Variants in LTBP1 observed in about 807,000 individuals in gnomAD.
LTBP1 encodes latent-transforming growth factor beta-binding protein 1.
A neutral mutation model predicts 207.6 loss-of-function variants in LTBP1; 129 were observed. The observed-to-expected ratio is 0.62, with a 90% CI of 0.54 to 0.72. LTBP1 has a LOEUF of 0.72. Ranked by LOEUF, LTBP1 falls within the 30% of genes least tolerant of loss-of-function variation. LTBP1 has a pLI of 0.00. For missense variants in LTBP1, 2,281 were observed against 2,217.2 expected, an observed-to-expected ratio of 1.03 and a Z score of -0.58; for synonymous variants, 963 against 833.7, an observed-to-expected ratio of 1.16 and a Z score of -2.67.
chr2:33,331,639 AG>A (rs1445190354), intron 24 of LTBP1, among the ~76,000 whole-genome samples: 3 of 152,148 alleles, frequency 2.0e-5, no homozygotes, highest in Admixed American at 1.3e-4. Context: ...TTTAGTAAAT[AG>A]TCCTTGTCTG....
chr2:32,957,758 A>G (rs1392460775), intron 2 of LTBP1, among the ~76,000 whole-genome samples: 1 of 152,168 alleles, frequency 6.6e-6, no homozygotes, highest in Non-Finnish European at 1.5e-5. Flanking sequence ...TTCCATTTGT[A>G]AGAAACACAG....
intron 4 of LTBP1, among the ~76,000 whole-genome samples, chr2:33,120,988 C>T (rs1024039821): frequency 2.6e-5 from 4 of 152,044 alleles, no homozygotes; most frequent in South Asian, 2.1e-4. Context: ...AAAATAATTC[C>T]CAAATCTCTC....
At chr2:32,959,771 C>T (rs910282862) in intron 2 of LTBP1, among the ~76,000 whole-genome samples, 1 of 151,126 alleles carries the variant, frequency 6.6e-6, no homozygotes, top group Non-Finnish European at 1.5e-5. Context: ...CAGGCATCTG[C>T]CACCACACCT....
intron 2 of LTBP1, among the ~76,000 whole-genome samples, chr2:32,969,804 G>C (rs1406109171): frequency 6.6e-6 from 1 of 152,130 alleles, no homozygotes; most frequent in Non-Finnish European, 1.5e-5. Context: ...GGGATTGCTG[G>C]GTGAAAAGGT....
At chr2:33,179,841 C>G (rs1359058853) in intron 5 of LTBP1, among the ~76,000 whole-genome samples, 1 of 152,066 alleles carries the variant, frequency 6.6e-6, no homozygotes, top group African/African-American at 2.4e-5. Context: ...TTTAATCTAT[C>G]ATTTATATTC....
chr2:33,056,390 G>A, intron 3 of LTBP1: 11 of 1,261,070 alleles, frequency 8.7e-6, no homozygotes, highest in Non-Finnish European at 1.0e-5. Context: ...TGGCCTGGAT[G>A]TTAGGCAAAA....
intron 5 of LTBP1, among the ~76,000 whole-genome samples, chr2:33,153,509 A>G (rs1167509726): frequency 6.6e-6 from 1 of 152,164 alleles, no homozygotes; most frequent in Non-Finnish European, 1.5e-5. Flanking sequence ...TGCAAGCCTT[A>G]GAATGCGCTG....
intron 24 of LTBP1, among the ~76,000 whole-genome samples, chr2:33,331,580 T>G (rs1274459398): frequency 6.6e-6 from 1 of 152,172 alleles, no homozygotes; most frequent in Non-Finnish European, 1.5e-5. Context: ...GAATATACTC[T>G]AAATGACTTC....
intron 9 of LTBP1, among the ~76,000 whole-genome samples, chr2:33,234,072 T>C (rs2091923763): frequency 6.6e-6 from 1 of 152,170 alleles, no homozygotes; most frequent in Admixed American, 6.5e-5. Context: ...AAGTGTTTTC[T>C]TTAGTGTCTG....
At chr2:33,083,071 G>A (rs546278821) in intron 3 of LTBP1, among the ~76,000 whole-genome samples, 11 of 151,842 alleles carry the variant, frequency 7.2e-5, no homozygotes, top group Non-Finnish European at 1.2e-4. Flanking sequence ...CAGCAGCTCT[G>A]CTTGTGAACC....
chr2:33,011,083 T>A (rs1687615788), intron 2 of LTBP1, among the ~76,000 whole-genome samples: 1 of 152,180 alleles, frequency 6.6e-6, no homozygotes, highest in African/African-American at 2.4e-5. Context: ...TTGGTTGTGA[T>A]ACTGCAGTGG....
At chr2:33,094,799 C>T (rs942272287) in intron 3 of LTBP1, among the ~76,000 whole-genome samples, 1 of 152,104 alleles carries the variant, frequency 6.6e-6, no homozygotes, top group Non-Finnish European at 1.5e-5. Context: ...GGTTATAAAC[C>T]CAATGGCTTT....
At chr2:33,243,638 C>A in intron 9 of LTBP1, 24 bp from the exon 10 acceptor site, 1 of 1,612,168 alleles carries the variant, frequency 6.2e-7, no homozygotes, top group East Asian at 2.2e-5. Context: ...ACTGCTCCTT[C>A]TAAAGAATTG....
chr2:33,042,188 A>G (rs1485875630), intron 3 of LTBP1, among the ~76,000 whole-genome samples: 2 of 152,108 alleles, frequency 1.3e-5, no homozygotes, highest in African/African-American at 2.4e-5. Flanking sequence ...CATGTTTTTA[A>G]TTGTGCTATT....
chr2:33,107,991 A>G (rs1406583916), intron 3 of LTBP1, among the ~76,000 whole-genome samples: 1 of 152,210 alleles, frequency 6.6e-6, no homozygotes, highest in Non-Finnish European at 1.5e-5. Context: ...GGGTAACAGA[A>G]GGAAAGGAAG....
intron 2 of LTBP1, among the ~76,000 whole-genome samples, chr2:32,975,651 G>A (rs1406648787): frequency 8.7e-6 from 1 of 115,064 alleles, no homozygotes; most frequent in Non-Finnish European, 1.6e-5. Flanking sequence ...GAGAATCAGT[G>A]TTCAGGCTCT....
chr2:32,971,962 T>C (rs1318822666), intron 2 of LTBP1, among the ~76,000 whole-genome samples: 1 of 152,174 alleles, frequency 6.6e-6, no homozygotes, highest in Non-Finnish European at 1.5e-5. Flanking sequence ...TTTTTATTAC[T>C]GATTGAATTT....
intron 4 of LTBP1, among the ~76,000 whole-genome samples, chr2:33,117,505 A>G (rs988162907): frequency 6.6e-6 from 1 of 152,238 alleles, no homozygotes; most frequent in Non-Finnish European, 1.5e-5. Context: ...GCCCTGAGTG[A>G]GAGAGCAGAG....
chr2:33,001,096 C>T, intron 2 of LTBP1, among the ~76,000 whole-genome samples: 1 of 134,846 alleles, frequency 7.4e-6, no homozygotes, highest in Middle Eastern at 3.8e-3. Flanking sequence ...TGAGCTGCCT[C>T]ATACCTGGCC....
Sources: gnomAD v4.1 joint callset for allele counts (sites outside exome capture counted in the v4.1 genomes callset) on GRCh38, gnomAD v4.1.1 for gene constraint, MANE v1.5 for transcripts, NCBI Gene and HGNC (gene_info 2026-07-23, HGNC 2026-07-21) for gene names.